Variants in NRXN3 observed in about 807,000 individuals in gnomAD.
NRXN3 encodes the protein neurexin III.
Under a neutral mutation model 137.6 loss-of-function variants are expected in NRXN3, and 32 were observed. The observed-to-expected ratio is 0.23, with a 90% CI of 0.18 to 0.31. NRXN3 has a LOEUF of 0.31. NRXN3 is among the 10% of genes least tolerant of loss of function. NRXN3 has a pLI of 1.00. For missense variants in NRXN3, 1,574 were observed against 2,062.5 expected (o/e 0.76, Z 4.59); for synonymous variants, 798 against 784.5 (o/e 1.02, Z -0.29).
At chr14:78,917,660 A>G (rs2099259169) in intron 10 of NRXN3, among the ~76,000 whole-genome samples, 1 of 152,018 alleles carries the variant, frequency 6.6e-6, no homozygotes, top group Non-Finnish European at 1.5e-5. Context: ...TCTGGAGTGG[A>G]GTGGTAGGAT....
chr14:78,592,804 C>A (rs1348630095), intron 4 of NRXN3, among the ~76,000 whole-genome samples: 1 of 152,148 alleles, frequency 6.6e-6, no homozygotes, highest in Non-Finnish European at 1.5e-5. Flanking sequence ...CAACTGGGGA[C>A]TCGATAACTA....
intron 19 of NRXN3, among the ~76,000 whole-genome samples, chr14:79,702,060 G>C (rs575059680): frequency 1.3e-5 from 2 of 151,940 alleles, no homozygotes; most frequent in Non-Finnish European, 2.9e-5. Flanking sequence ...TTTAGAGTAA[G>C]GGCTAGGAAG....
At chr14:79,070,532 C>T (rs1461795872) in intron 15 of NRXN3, among the ~76,000 whole-genome samples, 1 of 152,084 alleles carries the variant, frequency 6.6e-6, no homozygotes, top group Non-Finnish European at 1.5e-5. Context: ...TGCAGTGCTC[C>T]CTTAATAACT....
chr14:78,812,419 C>T lies in NRXN3; in HGVS notation c.2275+2075C>T, dbSNP rs183804379. On this transcript the variant is annotated intron_variant, in intron 10 of 20. Transcript: ENST00000335750. ...GCATGAAGGTGGAAAGCCTCGTATC[C>T]GAAGCTACATCTAGCATCTTCTAGC... 4.5e-4 allele frequency among the ~76,000 whole-genome samples: 69 copies of T among 152,208 alleles called. 1 individual carries two copies. The highest frequency in any genetic ancestry group is 1.5e-3 in the African/African-American group (63 of 41,530).
chr14:79,225,423 G>A (rs1414873526), intron 15 of NRXN3, among the ~76,000 whole-genome samples: 4 of 152,046 alleles, frequency 2.6e-5, no homozygotes, highest in South Asian at 2.1e-4. Context: ...TTTCTACTCC[G>A]TCTTTCTCGA....
chr14:79,369,055 CA>C (rs2093997273), intron 15 of NRXN3, among the ~76,000 whole-genome samples: 1 of 152,120 alleles, frequency 6.6e-6, no homozygotes, highest in African/African-American at 2.4e-5. Context: ...GGTAAATAAG[CA>C]AAAACTACGT....
At chr14:78,707,213 A>C (rs563421394) in intron 6 of NRXN3, among the ~76,000 whole-genome samples, 5 of 152,332 alleles carry the variant, frequency 3.3e-5, no homozygotes, top group African/African-American at 9.6e-5. Flanking sequence ...ACAGACTCAG[A>C]AAATTTACTT....
At chr14:79,077,495 A>G (rs1278228162) in intron 15 of NRXN3, among the ~76,000 whole-genome samples, 1 of 152,198 alleles carries the variant, frequency 6.6e-6, no homozygotes, top group Non-Finnish European at 1.5e-5. Flanking sequence ...ATAAATTACT[A>G]TCCTTGTTAA....
intron 8 of NRXN3, among the ~76,000 whole-genome samples, chr14:78,737,586 G>A (rs1400663942): frequency 6.6e-6 from 1 of 152,148 alleles, no homozygotes; most frequent in Non-Finnish European, 1.5e-5. Context: ...GTCCTCAGGT[G>A]GAGGAGGGAT....
At chr14:79,549,794 C>A (rs1334737624) in intron 16 of NRXN3, among the ~76,000 whole-genome samples, 1 of 152,036 alleles carries the variant, frequency 6.6e-6, no homozygotes, top group African/African-American at 2.4e-5. Flanking sequence ...AGTGGCCCAG[C>A]AAATCCCCAA....
chr14:78,989,267 ATGC>A (rs1355777889), intron 15 of NRXN3, among the ~76,000 whole-genome samples: 1 of 152,180 alleles, frequency 6.6e-6, no homozygotes, highest in African/African-American at 2.4e-5. Context: ...ACCAATTACA[ATGC>A]TATGCCCCCC....
intron 19 of NRXN3, among the ~76,000 whole-genome samples, chr14:79,705,260 T>TAACA (rs889831555): frequency 9.2e-5 from 14 of 152,102 alleles, no homozygotes; most frequent in Non-Finnish European, 1.9e-4. Context: ...TCTAATTACC[T>TAACA]AACAGACTCT....
At chr14:79,279,970 G>A in intron 15 of NRXN3, 1 of 1,151,936 alleles carries the variant, frequency 8.7e-7, no homozygotes, top group Non-Finnish European at 1.1e-6. Context: ...AGATCCGGAG[G>A]AAGCCGCGCC....
intron 15 of NRXN3, among the ~76,000 whole-genome samples, chr14:79,140,121 A>T (rs1409404374): frequency 6.6e-6 from 1 of 152,086 alleles, no homozygotes; most frequent in Non-Finnish European, 1.5e-5. Context: ...ATTATCTATT[A>T]ATTTCTATCT....
Position 79,605,758 on chromosome 14 carries a change from G to A in NRXN3, c.3445-58020G>A, listed in dbSNP as rs1372131761. The stretch of plus-strand genomic sequence containing the variant: ...GCCTACCTCGGCCTCCCAAAGTGCT[G>A]GGATTATAGGCATGAACCACTGCGC... On this transcript the variant is annotated intron_variant, in intron 16 of 20. Transcript: ENST00000335750. Among the ~76,000 whole-genome samples, 21 of 152,258 alleles carry A rather than the reference G, an allele frequency of 1.4e-4. No individual in the cohort carries two copies. In the East Asian group the frequency reaches 2.7e-3, roughly 20 times the overall value.
At chr14:79,209,887 A>G (rs546284718) in intron 15 of NRXN3, among the ~76,000 whole-genome samples, 2 of 152,338 alleles carry the variant, frequency 1.3e-5, no homozygotes, top group African/African-American at 2.4e-5. Flanking sequence ...AAGAGACAAA[A>G]TATGCATATG....
intron 4 of NRXN3, among the ~76,000 whole-genome samples, chr14:78,627,270 T>C (rs2097474001): frequency 6.6e-6 from 1 of 152,156 alleles, no homozygotes; most frequent in African/African-American, 2.4e-5. Context: ...AAAGGTCAGC[T>C]GTCAGAAGAG....
intron 15 of NRXN3, among the ~76,000 whole-genome samples, chr14:79,187,537 C>A (rs1003782536): frequency 2.6e-5 from 4 of 152,100 alleles, no homozygotes; most frequent in African/African-American, 9.7e-5. Context: ...TAATGATTTA[C>A]CCTTCTAAAA....
chr14:79,150,920 G>C (rs2059742976), intron 15 of NRXN3, among the ~76,000 whole-genome samples: 1 of 152,048 alleles, frequency 6.6e-6, no homozygotes, highest in South Asian at 2.1e-4. Flanking sequence ...CAGTGCAGCA[G>C]TACATGTGAC....
Sources: allele counts gnomAD v4.1 joint callset (sites outside exome capture counted in the v4.1 genomes callset), GRCh38; gene constraint gnomAD v4.1.1; transcripts MANE v1.5; gene names NCBI Gene and HGNC (gene_info 2026-07-23, HGNC 2026-07-21).